Variants in CNTN4 observed in about 807,000 individuals in gnomAD.
The protein encoded by CNTN4 is contactin 4.
Under a neutral mutation model 122.5 loss-of-function variants are expected in CNTN4, and 77 were observed. The ratio of observed to expected loss-of-function variants is 0.63; its 90% CI spans 0.52 to 0.76. The LOEUF is 0.76. CNTN4 is among the 30% of genes least tolerant of loss of function. The pLI is 0.00. For synonymous variants in CNTN4, 512 were observed against 447.0 expected (o/e 1.15, Z -1.83); for missense variants, 1,256 against 1,259.1 (o/e 1.00, Z 0.04).
intron 2 of CNTN4, among the ~76,000 whole-genome samples, chr3:2,308,573 G>T (rs1178555): frequency 9.9e-5 from 15 of 151,514 alleles, no homozygotes; most frequent in African/African-American, 3.2e-4. Flanking sequence ...TTTAAGTTTT[G>T]GCATATTCTG....
chr3:2,466,520 A>C (rs577712141), intron 3 of CNTN4, among the ~76,000 whole-genome samples: 3 of 152,158 alleles, frequency 2.0e-5, no homozygotes, highest in Admixed American at 6.5e-5. Context: ...TGTAAAGTAC[A>C]TTTTTAAAAG....
intron 4 of CNTN4, among the ~76,000 whole-genome samples, chr3:2,717,774 A>G (rs372454973): frequency 1.9e-5 from 2 of 103,216 alleles, no homozygotes; most frequent in East Asian, 5.8e-4. Flanking sequence ...GAGCCTTCTG[A>G]CTTCATGTAA....
At position 3,038,923 on chromosome 3, in the gene CNTN4, C is replaced by T; in HGVS notation, c.2093-10C>T. ...GCCTGACATAACTTGTTTTTTGTCT[C>T]CTTGTGCAGTCCCCGAAGTCACACC... On this transcript the variant is annotated splice_polypyrimidine_tract_variant and intron_variant, in intron 18 of 24. Transcript: ENST00000418658. 1 of 1,613,868 alleles carries T rather than the reference C, an allele frequency of 6.2e-7. No homozygotes were observed. The highest frequency in any genetic ancestry group is 1.3e-5 in the African/African-American group (1 of 75,024).
At chr3:2,200,797 C>T (rs2038061445) in intron 2 of CNTN4, among the ~76,000 whole-genome samples, 1 of 152,104 alleles carries the variant, frequency 6.6e-6, no homozygotes, top group Non-Finnish European at 1.5e-5. Flanking sequence ...GAATGTGGTG[C>T]ATTTTGAATG....
chr3:2,433,092 G>C (rs1377465468), intron 3 of CNTN4, among the ~76,000 whole-genome samples: 3 of 152,084 alleles, frequency 2.0e-5, no homozygotes, highest in Non-Finnish European at 4.4e-5. Context: ...TAAAGTGCTG[G>C]ATTATAGGCA....
At chr3:2,623,382 G>A (rs993435277) in intron 4 of CNTN4, among the ~76,000 whole-genome samples, 1 of 152,036 alleles carries the variant, frequency 6.6e-6, no homozygotes, top group South Asian at 2.1e-4. Context: ...TCACCGCACA[G>A]ATATTCTGGT....
At chr3:2,469,195 G>A (rs59986003) in intron 3 of CNTN4, among the ~76,000 whole-genome samples, 3 of 151,886 alleles carry the variant, frequency 2.0e-5, no homozygotes, top group Non-Finnish European at 2.9e-5. Context: ...TGAGAAATAC[G>A]TTTCATTCCT....
intron 4 of CNTN4, among the ~76,000 whole-genome samples, chr3:2,669,755 C>G (rs946460460): frequency 4.6e-5 from 7 of 152,216 alleles, no homozygotes; most frequent in African/African-American, 1.7e-4. Context: ...CCTCTACACA[C>G]TCCTTTAAAT....
intron 13 of CNTN4, among the ~76,000 whole-genome samples, chr3:2,986,764 T>A (rs559518648): frequency 6.6e-6 from 1 of 152,182 alleles, no homozygotes; most frequent in African/African-American, 2.4e-5. Flanking sequence ...GATTTTTCCC[T>A]TAGGTTATTT....
intron 2 of CNTN4, among the ~76,000 whole-genome samples, chr3:2,266,588 T>C (rs2041060098): frequency 1.3e-5 from 2 of 152,092 alleles, no homozygotes; most frequent in Non-Finnish European, 2.9e-5. Context: ...GAGGTGCCTG[T>C]ATATATGAGA....
chr3:2,424,589 GA>G, intron 3 of CNTN4, among the ~76,000 whole-genome samples: 1 of 152,272 alleles, frequency 6.6e-6, no homozygotes, highest in Non-Finnish European at 1.5e-5. Context: ...CCAGTAATGG[GA>G]TGACTGGATC....
chr3:2,533,880 A>C (rs897202463), intron 3 of CNTN4, among the ~76,000 whole-genome samples: 2 of 151,126 alleles, frequency 1.3e-5, no homozygotes, highest in African/African-American at 4.9e-5. Context: ...GCATTTTTTC[A>C]TGTGTCTGTT....
At chr3:2,144,981 C>T (rs1451792898) in intron 2 of CNTN4, among the ~76,000 whole-genome samples, 2 of 152,174 alleles carry the variant, frequency 1.3e-5, no homozygotes, top group Non-Finnish European at 2.9e-5. Flanking sequence ...CATTTTCGCT[C>T]CCCTAGGAAA....
At chr3:2,897,270 G>C (rs930871535) in intron 10 of CNTN4, among the ~76,000 whole-genome samples, 1 of 152,100 alleles carries the variant, frequency 6.6e-6, no homozygotes, top group African/African-American at 2.4e-5. Flanking sequence ...CCCAGCACAA[G>C]CATTTAACAT....
intron 3 of CNTN4, among the ~76,000 whole-genome samples, chr3:2,493,061 G>C (rs2076361089): frequency 6.6e-6 from 1 of 152,150 alleles, no homozygotes; most frequent in African/African-American, 2.4e-5. Context: ...TTTACTGTTA[G>C]TATCTGAAAG....
chr3:2,586,109 A>G (rs534829087), intron 4 of CNTN4, among the ~76,000 whole-genome samples: 2 of 152,236 alleles, frequency 1.3e-5, no homozygotes, highest in South Asian at 4.1e-4. Context: ...CCTCTGTATT[A>G]TAGATGGGGC....
chr3:2,601,130 A>T (rs1049597154), intron 4 of CNTN4, among the ~76,000 whole-genome samples: 2 of 151,862 alleles, frequency 1.3e-5, no homozygotes, highest in Admixed American at 1.3e-4. Flanking sequence ...GATTGCAAAA[A>T]TTTTCTCCCA....
chr3:2,736,812 A>T (rs2149494040), intron 5 of CNTN4, among the ~76,000 whole-genome samples: 1 of 127,916 alleles, frequency 7.8e-6, no homozygotes, highest in East Asian at 2.7e-4. Context: ...ATTTATTTAG[A>T]GACGGAGTCT....
chr3:2,823,364 T>C (rs2092918677), intron 7 of CNTN4, among the ~76,000 whole-genome samples: 1 of 152,196 alleles, frequency 6.6e-6, no homozygotes, highest in Non-Finnish European at 1.5e-5. Flanking sequence ...TCAGACCTTC[T>C]TAGGGTAGCA....
Sources: gnomAD v4.1 joint callset for allele counts (sites outside exome capture counted in the v4.1 genomes callset) on GRCh38, gnomAD v4.1.1 for gene constraint, MANE v1.5 for transcripts, NCBI Gene and HGNC (gene_info 2026-07-23, HGNC 2026-07-21) for gene names.